VPS13D: variants seen among roughly 807,000 people sequenced by gnomAD.
VPS13D encodes intermembrane lipid transfer protein VPS13D.
VPS13D carries 187 observed loss-of-function variants against 461.9 expected under a neutral mutation model. The observed-to-expected ratio is 0.40, with a 90% CI of 0.36 to 0.46. VPS13D has a LOEUF of 0.46. VPS13D is among the 20% of genes least tolerant of loss of function. VPS13D has a pLI of 0.60. For missense variants in VPS13D, 4,711 were observed against 5,364.9 expected (o/e 0.88, Z 3.81); for synonymous variants, 1,951 against 1,986.3 (o/e 0.98, Z 0.47).
chr1:12,508,787 A>T, intron 69 of VPS13D, 106 bp from the exon 70 acceptor site: 1 of 1,269,100 alleles, frequency 7.9e-7, no homozygotes, highest in Non-Finnish European at 1.1e-6. Context: ...TGACGTGTAC[A>T]TCCCATCCTG....
intron 30 of VPS13D, among the ~76,000 whole-genome samples, chr1:12,317,752 AAAAAG>A (rs1642928538): frequency 6.6e-6 from 1 of 152,166 alleles, no homozygotes; most frequent in African/African-American, 2.4e-5. Context: ...CTCTTAAAAA[AAAAAG>A]AAAAGAAATA....
intron 14 of VPS13D, among the ~76,000 whole-genome samples, 164 bp from the exon 15 acceptor site, chr1:12,267,681 A>G (rs1641313831): frequency 6.6e-6 from 1 of 152,206 alleles, no homozygotes; most frequent in East Asian, 1.9e-4. Flanking sequence ...GATTGGAAAA[A>G]GGGCAGAAAA....
chr1:12,368,475 T>C lies in VPS13D; in HGVS notation c.10456T>C (p.Leu3486=), dbSNP rs1644070334. The C allele has an allele frequency of 2.5e-6, 4 of 1,611,710 alleles. No homozygotes were observed. Among genetic ancestry groups the C allele is most frequent in the Non-Finnish European group, 3.4e-6 (4 of 1,178,888 alleles). Residue 3486 remains leucine, a synonymous_variant, in exon 53 of 70, where the codon TTG becomes CTG. Transcript: ENST00000620676. ...TGTTTCCTTGTCCTGCAGGGATACC[T>C]TGGGAAAATGCTTCTTCCTACGAGT... The part of the protein sequence containing the change: ...NSFHINMRDT[L]GKCFFLRVEI...
chr1:12,381,372 T>G (rs936578112), intron 57 of VPS13D, among the ~76,000 whole-genome samples: 1 of 152,258 alleles, frequency 6.6e-6, no homozygotes, highest in African/African-American at 2.4e-5. Flanking sequence ...TTAGACACTC[T>G]TTGCCATTGT....
In VPS13D at chr1:12,334,684, G is replaced by A. The variant is rs547879644; in HGVS notation, c.8429-1021G>A. On this transcript the variant is annotated intron_variant, in intron 38 of 69. Transcript: ENST00000620676. ...GGAGGCTGAGGTGGAAGGATTACTT[G>A]AGTGCAGGAGTTCAAAGTTACAGTG... Among the ~76,000 whole-genome samples, 5 of 152,306 alleles carry A rather than the reference G, an allele frequency of 3.3e-5. No homozygotes were observed. In the South Asian group the frequency reaches 1.0e-3, roughly 32 times the overall value.
intron 60 of VPS13D, among the ~76,000 whole-genome samples, chr1:12,399,223 GTC>G (rs1442097072): frequency 6.8e-6 from 1 of 147,998 alleles, no homozygotes; most frequent in South Asian, 2.1e-4. Context: ...TTGAGACGGA[GTC>G]TCTCTCTGTC....
chr1:12,486,922 A>T (rs568953407), intron 67 of VPS13D, among the ~76,000 whole-genome samples: 1 of 152,284 alleles, frequency 6.6e-6, no homozygotes, highest in South Asian at 2.1e-4. Flanking sequence ...AGAAGAGACA[A>T]GAATCCCTGG....
intron 21 of VPS13D, among the ~76,000 whole-genome samples, chr1:12,286,748 G>A (rs1641985797): frequency 6.6e-6 from 1 of 152,188 alleles, no homozygotes; most frequent in Non-Finnish European, 1.5e-5. Flanking sequence ...AAGATTCGTG[G>A]GAAGAGCTGG....
intron 67 of VPS13D, among the ~76,000 whole-genome samples, chr1:12,494,703 C>G (rs554229279): frequency 6.6e-6 from 1 of 152,146 alleles, no homozygotes; most frequent in East Asian, 1.9e-4. Context: ...CATCAGTGTC[C>G]GCTTCAGGAC....
intron 35 of VPS13D, 49 bp from the exon 36 acceptor site, chr1:12,327,599 G>C (rs1167071596): frequency 6.3e-7 from 1 of 1,592,756 alleles, no homozygotes; most frequent in South Asian, 1.1e-5. Flanking sequence ...GAGTGGCTAG[G>C]GTAGCTGTGG....
chr1:12,382,031 T>C (rs1241351507), intron 57 of VPS13D, among the ~76,000 whole-genome samples: 4 of 149,098 alleles, frequency 2.7e-5, no homozygotes, highest in Admixed American at 1.3e-4. Flanking sequence ...CTTCCTTTCT[T>C]TCTCTTTCTT....
chr1:12,298,943 A>C (rs572472853), intron 24 of VPS13D, among the ~76,000 whole-genome samples: 1 of 152,100 alleles, frequency 6.6e-6, no homozygotes, highest in Non-Finnish European at 1.5e-5. Context: ...TTTTAGTGAA[A>C]ATATTTTTCT....
intron 67 of VPS13D, chr1:12,478,460 G>A (rs559905762): frequency 9.0e-6 from 2 of 221,104 alleles, no homozygotes; most frequent in South Asian, 7.5e-5. Context: ...ATTAAGGCGT[G>A]TAATACAGCT....
intron 1 of VPS13D, among the ~76,000 whole-genome samples, chr1:12,230,594 G>C (rs1639931545): frequency 6.6e-6 from 1 of 152,094 alleles, no homozygotes; most frequent in African/African-American, 2.4e-5. Flanking sequence ...GAAGAGTGGG[G>C]TGTCAGTTCT....
intron 24 of VPS13D, among the ~76,000 whole-genome samples, chr1:12,298,372 G>A (rs778061633): frequency 2.0e-5 from 3 of 152,122 alleles, no homozygotes; most frequent in Non-Finnish European, 2.9e-5. Flanking sequence ...GGCTGGGCAC[G>A]CTCACACCTG....
At chr1:12,313,290 T>C (rs2101504288) in intron 29 of VPS13D, among the ~76,000 whole-genome samples, 1 of 150,530 alleles carries the variant, frequency 6.6e-6, no homozygotes, top group Non-Finnish European at 1.5e-5. Flanking sequence ...CTAGCAATTT[T>C]ATTCTTTCCT....
At chr1:12,397,576 G>A (rs554992507) in intron 60 of VPS13D, among the ~76,000 whole-genome samples, 3 of 152,254 alleles carry the variant, frequency 2.0e-5, no homozygotes, top group South Asian at 4.1e-4. Context: ...GTGTGTGCCC[G>A]ACACTGTACT....
intron 63 of VPS13D, among the ~76,000 whole-genome samples, chr1:12,414,605 G>A (rs1644771972): frequency 6.6e-6 from 1 of 152,164 alleles, no homozygotes; most frequent in Admixed American, 6.5e-5. Flanking sequence ...TTGTCTTTGG[G>A]GAGGAAGGAG....
chr1:12,341,978 C>A, intron 41 of VPS13D, 93 bp downstream of exon 41: 2 of 1,086,392 alleles, frequency 1.8e-6, no homozygotes, highest in Non-Finnish European at 2.7e-6. Flanking sequence ...CCTCTTGAGG[C>A]TCTTGGGATG....
Sources: allele counts gnomAD v4.1 joint callset (sites outside exome capture counted in the v4.1 genomes callset), GRCh38; gene constraint gnomAD v4.1.1; transcripts MANE v1.5; gene names NCBI Gene and HGNC (gene_info 2026-07-23, HGNC 2026-07-21).